Variants in STK32B observed in about 807,000 individuals in gnomAD.
The protein encoded by STK32B is serine/threonine-protein kinase 32B.
STK32B carries 43 observed loss-of-function variants against 52.6 expected under a neutral mutation model. The observed-to-expected ratio is 0.82, with a 90% CI of 0.64 to 1.05. The LOEUF (loss-of-function observed/expected upper bound fraction) is 1.05, where lower values mean the gene tolerates loss of function less well. Ranked by LOEUF, STK32B falls within the 50% of genes least tolerant of loss-of-function variation. The probability of loss-of-function intolerance (pLI) is 0.00; values close to 1 mark genes in which losing one functional copy is unlikely to be tolerated. For missense variants in STK32B, 621 were observed against 534.6 expected, an observed-to-expected ratio of 1.16 and a Z score of -1.59; for synonymous variants, 238 against 204.3, an observed-to-expected ratio of 1.17 and a Z score of -1.41.
At chr4:5,337,069 T>G (rs1402111031) in intron 4 of STK32B, among the ~76,000 whole-genome samples, 5 of 152,034 alleles carry the variant, frequency 3.3e-5, no homozygotes, top group Non-Finnish European at 7.4e-5. Flanking sequence ...GCCTCAACCT[T>G]CTGGGCTCAA....
At chr4:5,128,116 A>G (rs904252649) in intron 1 of STK32B, among the ~76,000 whole-genome samples, 4 of 152,232 alleles carry the variant, frequency 2.6e-5, no homozygotes, top group Non-Finnish European at 5.9e-5. Context: ...GGCAACTCCC[A>G]GAAGCCAGAA....
In STK32B at chr4:5,395,325, G is replaced by C. The variant is rs772217774; in HGVS notation, c.435-2882G>C. On this transcript the variant is annotated intron_variant, in intron 4 of 11. Transcript: ENST00000282908. This position sits in a 1 kb window ranked among gnomAD's most constrained non-coding sequence, Gnocchi z 4.4. ...TGTCAGCTTCCATGGCTAGGACCAC[G>C]TCACAGGTGAGATCATTTATTCTCT... 3.8e-4 allele frequency among the ~76,000 whole-genome samples: 58 copies of C among 152,186 alleles called. 1 individual carries two copies. The highest frequency in any genetic ancestry group is 3.8e-3 in the Admixed American group (58 of 15,280).
intron 3 of STK32B, among the ~76,000 whole-genome samples, chr4:5,241,370 C>A (rs1430760971): frequency 6.6e-6 from 1 of 152,034 alleles, no homozygotes; most frequent in African/African-American, 2.4e-5. Flanking sequence ...ATGTAAATTG[C>A]ATAATAATTT....
intron 3 of STK32B, among the ~76,000 whole-genome samples, chr4:5,196,536 C>A (rs1002995150): frequency 5.9e-5 from 9 of 151,778 alleles, no homozygotes; most frequent in African/African-American, 1.9e-4. Flanking sequence ...ACCTGACCAA[C>A]ATGGTGAAAC....
rs150210448 is a variant in STK32B at position 5,088,293 on chromosome 4, A to G, written c.52+36378A>G. ...AGATTTGTGGGATCTAAAAATCAAA[A>G]CAATTGAACTCATGGACATAGAGAG... is the stretch of plus-strand genomic sequence containing the variant. On this transcript the variant is annotated intron_variant, in intron 1 of 11. Transcript: ENST00000282908. Among the ~76,000 whole-genome samples, 1,031 of 152,188 alleles carry G rather than the reference A, an allele frequency of 6.8e-3. 10 individuals carry two copies. Among genetic ancestry groups the G allele is most frequent in the African/African-American group, 0.023 (950 of 41,566 alleles).
At chr4:5,212,340 A>C (rs1307956408) in intron 3 of STK32B, among the ~76,000 whole-genome samples, 1 of 152,206 alleles carries the variant, frequency 6.6e-6, no homozygotes, top group African/African-American at 2.4e-5. Flanking sequence ...TATTTGTGCA[A>C]GTAATATTCA....
intron 11 of STK32B, among the ~76,000 whole-genome samples, chr4:5,494,937 A>C (rs907990647): frequency 1.3e-5 from 2 of 152,198 alleles, no homozygotes; most frequent in African/African-American, 2.4e-5. Context: ...GTTTCTGCCT[A>C]GCGATCAGCT....
At chr4:5,077,068 A>G (rs1294091869) in intron 1 of STK32B, among the ~76,000 whole-genome samples, 3 of 152,168 alleles carry the variant, frequency 2.0e-5, no homozygotes, top group Non-Finnish European at 4.4e-5. Context: ...TATCCGAGAT[A>G]CATCCCTGAA....
chr4:5,090,548 A>G (rs939025393), intron 1 of STK32B, among the ~76,000 whole-genome samples: 7 of 151,898 alleles, frequency 4.6e-5, no homozygotes, highest in African/African-American at 1.7e-4. Flanking sequence ...TATTTTTAGT[A>G]GAGACGGGGT....
intron 1 of STK32B, among the ~76,000 whole-genome samples, chr4:5,122,431 T>C (rs922927722): frequency 6.7e-6 from 1 of 148,928 alleles, no homozygotes; most frequent in African/African-American, 2.5e-5. Flanking sequence ...CTCATTAACC[T>C]ACTTCACTCA....
intron 7 of STK32B, among the ~76,000 whole-genome samples, chr4:5,452,763 T>C (rs181213171): frequency 1.1e-3 from 169 of 152,260 alleles, no homozygotes; most frequent in South Asian, 4.2e-3. Flanking sequence ...CTTCTATTTT[T>C]TGGTAAATTG....
chr4:5,211,859 CTG>C (rs1393586662), intron 3 of STK32B, among the ~76,000 whole-genome samples: 1 of 152,192 alleles, frequency 6.6e-6, no homozygotes, highest in Non-Finnish European at 1.5e-5. Flanking sequence ...ACAAGTCTCT[CTG>C]ATTTTGTTTT....
chr4:5,404,379 T>C (rs1392730922), intron 5 of STK32B, among the ~76,000 whole-genome samples: 1 of 152,130 alleles, frequency 6.6e-6, no homozygotes, highest in Non-Finnish European at 1.5e-5. Flanking sequence ...ATTTCTCCTT[T>C]TGATAAGGAC....
chr4:5,206,105 C>T (rs1308174255), intron 3 of STK32B, among the ~76,000 whole-genome samples: 2 of 152,196 alleles, frequency 1.3e-5, no homozygotes, highest in East Asian at 3.9e-4. Flanking sequence ...TTGCTATTTC[C>T]TTCTCAAGCC....
At chr4:5,438,058 TG>T in intron 6 of STK32B, 1 of 985,564 alleles carries the variant, frequency 1.0e-6, no homozygotes, top group Non-Finnish European at 1.2e-6. Context: ...TGAATGGACT[TG>T]GGGCTGCCAG....
At chr4:5,265,978 T>C (rs1476405443) in intron 3 of STK32B, among the ~76,000 whole-genome samples, 1 of 152,244 alleles carries the variant, frequency 6.6e-6, no homozygotes, top group African/African-American at 2.4e-5. Context: ...TGAGCATCTT[T>C]GTACATAAAA....
At chr4:5,421,260 T>C (rs1439129565) in intron 6 of STK32B, among the ~76,000 whole-genome samples, 1 of 151,274 alleles carries the variant, frequency 6.6e-6, no homozygotes, top group African/African-American at 2.4e-5. Flanking sequence ...TGGCTATTTT[T>C]TTTGTATTTT....
rs1376873282 is a variant in STK32B at position 5,500,426 on chromosome 4, A to G, written c.*1343A>G. 6.6e-6 allele frequency: 1 copy of G among 151,986 alleles called. No homozygotes were observed. The highest frequency in any genetic ancestry group is 1.9e-4 in the East Asian group (1 of 5,178). 9.4% of individuals were successfully genotyped at this position (151,986 alleles called of 1,614,324 possible). A position where few individuals can be genotyped will look rare whatever the true frequency, so the allele number is the denominator to read the frequency against. On this transcript the variant is annotated 3_prime_UTR_variant, in exon 12 of 12. Transcript: ENST00000282908. ...ATTTAGATACTTTCTTCCTTCACTC[A>G]CCCAGCAGGTCAGTTTTCTGTGCAA...
intron 3 of STK32B, among the ~76,000 whole-genome samples, chr4:5,247,131 T>C (rs1466176680): frequency 6.6e-6 from 1 of 152,140 alleles, no homozygotes; most frequent in Non-Finnish European, 1.5e-5. Flanking sequence ...ACTGCAGAGG[T>C]TATTGCTGTC....
Sources: allele counts gnomAD v4.1 joint callset (sites outside exome capture counted in the v4.1 genomes callset), GRCh38; gene constraint gnomAD v4.1.1; non-coding constraint Gnocchi (gnomAD v3.1); transcripts MANE v1.5; gene names NCBI Gene and HGNC (gene_info 2026-07-23, HGNC 2026-07-21).